The following EPHA6 variants were observed in gnomAD, a reference collection of about 807,000 sequenced individuals.
EPHA6 encodes the protein ephrin type-A receptor 6.
In EPHA6, 50 loss-of-function variants were observed where a neutral mutation model predicts 112.0. That is an observed-to-expected ratio of 0.45 (90% CI 0.36 to 0.56). The LOEUF (loss-of-function observed/expected upper bound fraction) is 0.56. Among genes scored for constraint, EPHA6 ranks in the 20% least tolerant of loss-of-function variants. The pLI, the probability that EPHA6 is intolerant of heterozygous loss-of-function variation, is 0.00. For synonymous variants in EPHA6, 529 were observed against 490.7 expected (o/e 1.08, Z -1.03); for missense variants, 1,280 against 1,417.4 (o/e 0.90, Z 1.56).
chr3:97,362,932 C>G (rs559965538), intron 5 of EPHA6, among the ~76,000 whole-genome samples: 1 of 151,330 alleles, frequency 6.6e-6, no homozygotes, highest in African/African-American at 2.4e-5. Flanking sequence ...CAAAAAGGAA[C>G]AAAATCTGTT....
At chr3:97,083,766 G>T (rs1383938498) in intron 3 of EPHA6, among the ~76,000 whole-genome samples, 3 of 151,520 alleles carry the variant, frequency 2.0e-5, no homozygotes, top group African/African-American at 4.8e-5. Flanking sequence ...GCACAAATTT[G>T]CAGGCATATA....
At chr3:97,532,327 A>C (rs375355266) in intron 10 of EPHA6, 31 bp from the exon 11 acceptor site, 1 of 1,574,442 alleles carries the variant, frequency 6.4e-7, no homozygotes, top group Non-Finnish European at 8.6e-7. Flanking sequence ...GTTCGGTTTA[A>C]TCAAATAACT....
chr3:97,192,996 T>C lies in EPHA6; in HGVS notation c.1115-33268T>C, dbSNP rs200827644. On this transcript the variant is annotated intron_variant, in intron 3 of 17. Coordinates refer to ENST00000389672, the MANE Select transcript of EPHA6 (RefSeq NM_001080448.3). Reference sequence around the variant, plus strand: ...GTTCTCTATTCTGTTCCACTGGTCTTCGTGTCTGTTTTTATGCCGACACTA... The same window carrying C: ...GTTCTCTATTCTGTTCCACTGGTCTCCGTGTCTGTTTTTATGCCGACACTA... Among the ~76,000 whole-genome samples the C allele has an allele frequency of 4.6e-5, 7 of 152,242 alleles. No individual in the cohort carries two copies. In the East Asian group the frequency reaches 1.4e-3, roughly 29 times the overall value.
chr3:97,546,491 C>T (rs2092951214), intron 11 of EPHA6, among the ~76,000 whole-genome samples: 1 of 152,120 alleles, frequency 6.6e-6, no homozygotes, highest in African/African-American at 2.4e-5. Context: ...TCTGGCTGCC[C>T]TTAACATTTT....
chr3:97,036,200 A>G (rs2045088738), intron 3 of EPHA6, among the ~76,000 whole-genome samples: 1 of 151,994 alleles, frequency 6.6e-6, no homozygotes, highest in South Asian at 2.1e-4. Flanking sequence ...ACAGACTACC[A>G]TAAAGGGTGA....
chr3:97,302,837 ATAAAT>A (rs2081150553), intron 5 of EPHA6, among the ~76,000 whole-genome samples: 1 of 151,962 alleles, frequency 6.6e-6, no homozygotes, highest in African/African-American at 2.4e-5. Context: ...TCATTTTGGT[ATAAAT>A]TATACTATGC....
At chr3:97,472,676 A>C (rs1242776699) in intron 7 of EPHA6, among the ~76,000 whole-genome samples, 1 of 151,760 alleles carries the variant, frequency 6.6e-6, no homozygotes, top group African/African-American at 2.4e-5. Context: ...TCTTTCCACT[A>C]TTTTGTTGCA....
chr3:97,087,305 G>A (rs2046933245), intron 3 of EPHA6, among the ~76,000 whole-genome samples: 1 of 152,126 alleles, frequency 6.6e-6, no homozygotes, highest in African/African-American at 2.4e-5. Flanking sequence ...ATGGGGGTGT[G>A]TGTCTCAAGA....
intron 10 of EPHA6, among the ~76,000 whole-genome samples, chr3:97,519,311 T>C (rs936106214): frequency 6.6e-6 from 1 of 152,210 alleles, no homozygotes; most frequent in African/African-American, 2.4e-5. Context: ...GCTGTAGATA[T>C]GTGTATATAT....
chr3:97,616,300 T>C (rs544721218), intron 13 of EPHA6, among the ~76,000 whole-genome samples: 7 of 152,094 alleles, frequency 4.6e-5, no homozygotes, highest in South Asian at 2.1e-4. Flanking sequence ...AGATTGAAAA[T>C]GGAGAAGCCC....
At chr3:97,679,066 G>T (rs1036243067) in intron 14 of EPHA6, among the ~76,000 whole-genome samples, 21 of 152,110 alleles carry the variant, frequency 1.4e-4, no homozygotes, top group Non-Finnish European at 2.4e-4. Flanking sequence ...TGTTATATTA[G>T]TCAAAATAAT....
Position 97,754,225 on chromosome 3 carries a change from A to G in EPHA6, c.*5524A>G, listed in dbSNP as rs1223869325. Among the ~76,000 whole-genome samples, 1 of 151,562 alleles carries G rather than the reference A, an allele frequency of 6.6e-6. No homozygotes were observed. Among genetic ancestry groups the G allele is most frequent in the African/African-American group, 2.4e-5 (1 of 41,218 alleles). Reference sequence around the variant, plus strand: ...TGCCTCAGCCTCCCGAGTAGCTAGGATTACAGGCATGCGCCACCACGCCCA... The same window carrying G: ...TGCCTCAGCCTCCCGAGTAGCTAGGGTTACAGGCATGCGCCACCACGCCCA... On this transcript the variant is annotated 3_prime_UTR_variant, in exon 18 of 18. Transcript: ENST00000389672.
intron 4 of EPHA6, among the ~76,000 whole-genome samples, chr3:97,230,418 A>T (rs1278672285): frequency 6.6e-6 from 1 of 152,156 alleles, no homozygotes; most frequent in African/African-American, 2.4e-5. Context: ...TAAATTTGCT[A>T]TCATTTCTAA....
intron 3 of EPHA6, among the ~76,000 whole-genome samples, chr3:97,069,646 G>C (rs2046291956): frequency 6.6e-6 from 1 of 152,106 alleles, no homozygotes; most frequent in South Asian, 2.1e-4. Flanking sequence ...CTGTATGGCA[G>C]TCTAATGATG....
chr3:97,583,361 A>G (rs1177996070), intron 11 of EPHA6, among the ~76,000 whole-genome samples: 4 of 151,860 alleles, frequency 2.6e-5, no homozygotes, highest in African/African-American at 9.7e-5. Flanking sequence ...AACACGGTGA[A>G]ACCCCGTCTC....
intron 7 of EPHA6, among the ~76,000 whole-genome samples, chr3:97,463,261 A>T (rs2090950644): frequency 6.6e-6 from 1 of 152,020 alleles, no homozygotes; most frequent in Non-Finnish European, 1.5e-5. Flanking sequence ...AAGTAGCACG[A>T]CTTTCCCCAT....
At chr3:96,873,555 C>G (rs1480894669) in intron 2 of EPHA6, among the ~76,000 whole-genome samples, 1 of 152,090 alleles carries the variant, frequency 6.6e-6, no homozygotes, top group Non-Finnish European at 1.5e-5. Context: ...TTGCAATGAA[C>G]GGTCCTGAAA....
intron 5 of EPHA6, among the ~76,000 whole-genome samples, chr3:97,356,056 A>G (rs1052196603): frequency 2.0e-5 from 3 of 152,208 alleles, no homozygotes; most frequent in Admixed American, 6.5e-5. Context: ...CTTCATCTGT[A>G]TTTACAGCTG....
chr3:97,526,669 A>G (rs1029007167), intron 10 of EPHA6, among the ~76,000 whole-genome samples: 1 of 152,170 alleles, frequency 6.6e-6, no homozygotes, highest in African/African-American at 2.4e-5. Flanking sequence ...CTGTGACAGA[A>G]GGGCTGGTGC....
Sources: allele counts gnomAD v4.1 joint callset (sites outside exome capture counted in the v4.1 genomes callset), GRCh38; gene constraint gnomAD v4.1.1; transcripts MANE v1.5; gene names NCBI Gene and HGNC (gene_info 2026-07-23, HGNC 2026-07-21).